The following METTL22 variants were observed in gnomAD, a reference collection of about 807,000 sequenced individuals.
The protein encoded by METTL22 is methyltransferase-like protein 22.
Under a neutral mutation model 48.4 loss-of-function variants are expected in METTL22, and 51 were observed. The observed-to-expected ratio is 1.05, with a 90% confidence interval of 0.84 to 1.33. The LOEUF (loss-of-function observed/expected upper bound fraction) is 1.33. METTL22 is among the 40% of genes most tolerant of loss of function. The probability of loss-of-function intolerance (pLI) is 0.00; values close to 1 mark genes in which losing one functional copy is unlikely to be tolerated. For missense variants in METTL22, 678 were observed against 526.9 expected (o/e 1.29, Z -2.81); for synonymous variants, 255 against 214.1 (o/e 1.19, Z -1.67).
rs1295866423 is a variant in METTL22 at position 8,622,372 on chromosome 16, G to A, written c.-171+597G>A. 3.3e-5 allele frequency among the ~76,000 whole-genome samples: 5 copies of A among 152,218 alleles called. No individual in the cohort carries two copies. In the East Asian group the frequency reaches 9.6e-4, roughly 29 times the overall value. On this transcript the variant is annotated intron_variant, in intron 1 of 10. Transcript: ENST00000381920. ...GACTGGGGACCTATAGGAGAAGAAA[G>A]CTGGTAGCGTCTCAGTCTAGCCCCC...
chr16:8,666,965 T>C, the METTL22 span: 1 of 151,980 alleles, frequency 6.6e-6, no homozygotes, highest in Non-Finnish European at 1.5e-5. Flanking sequence ...TTTTTTGTTT[T>C]TTGTATTTTT....
intron 5 of METTL22, among the ~76,000 whole-genome samples, chr16:8,636,131 C>G (rs1356240180): frequency 1.3e-5 from 2 of 152,140 alleles, no homozygotes; most frequent in Non-Finnish European, 2.9e-5. Context: ...GTGTCACCTT[C>G]TGGAATCCCC....
rs1335310318 is a variant in METTL22, at chr16:8,647,707, C to T, written c.*1564C>T. On this transcript the variant is annotated 3_prime_UTR_variant, in exon 11 of 11. Coordinates refer to ENST00000381920, the MANE Select transcript of METTL22 (RefSeq NM_024109.4). ...AGCCAAGTACTTTAGAGAAGAAAAA[C>T]GGTCTCAGCTGAACCTGTAGTGAGA... 2.6e-5 allele frequency: 4 copies of T among 152,356 alleles called. No individual in the cohort carries two copies. Among genetic ancestry groups the T allele is most frequent in the Admixed American group, 1.3e-4 (2 of 15,304 alleles). The allele number at this position is 152,356 out of a possible 1,614,324, so 9.4% of individuals were successfully genotyped here.
intron 3 of METTL22, among the ~76,000 whole-genome samples, chr16:8,633,736 G>A (rs777254651): frequency 2.0e-5 from 3 of 152,232 alleles, no homozygotes; most frequent in Non-Finnish European, 4.4e-5. Flanking sequence ...ACTCGAAGCT[G>A]TCATTGGGTG....
At position 8,629,103 on chromosome 16, in the gene METTL22, C is replaced by G. The variant is rs755591588; in HGVS notation, c.507C>G (p.Ile169Met). ...EEAQGSPHDI[I>M]RIEHTMATPL... is the part of the protein sequence containing the mutation. ...CACAAGGCAGCCCGCACGATATCAT[C>G]AGAATAGGTAAATAGAGGTGTGATG... The change falls in exon 3 of 11, where the codon ATC becomes ATG. Residue 169 changes from isoleucine (I) to methionine (M), a missense_variant. By Grantham distance (10) the Ile-to-Met change is conservative. Transcript: ENST00000381920. The G allele has an allele frequency of 1.6e-5, 25 of 1,612,386 alleles. No individual in the cohort carries two copies. In the South Asian group the frequency reaches 2.4e-4, roughly 16 times the overall value.
At chr16:8,666,101 C>A in the METTL22 span, among the ~76,000 whole-genome samples, 1 of 152,176 alleles carries the variant, frequency 6.6e-6, no homozygotes, top group Non-Finnish European at 1.5e-5. Flanking sequence ...CTGAGACTCA[C>A]CCTGAGGGTG....
In METTL22 at chr16:8,628,886, G is replaced by C. The variant is rs2056154788; in HGVS notation, c.290G>C (p.Gly97Ala). Residue 97 changes from glycine (G) to alanine (A), a missense_variant, in exon 3 of 11, where the codon GGT becomes GCT. By Grantham distance (60) the Gly-to-Ala change is moderately conservative. Coordinates refer to ENST00000381920, the MANE Select transcript of METTL22 (RefSeq NM_024109.4). Reference protein sequence around the residue: ...SPPGSGHGNEGFSLQAGTDTT... With the variant: ...SPPGSGHGNEAFSLQAGTDTT... Reference sequence around the variant, plus strand: ...CCAGGAAGTGGCCATGGTAATGAGGGTTTCTCCCTCCAGGCCGGGACTGAC... The same window carrying C: ...CCAGGAAGTGGCCATGGTAATGAGGCTTTCTCCCTCCAGGCCGGGACTGAC... 1 of 1,614,040 alleles carries C rather than the reference G, an allele frequency of 6.2e-7. No homozygotes were observed. Among genetic ancestry groups the C allele is most frequent in the Non-Finnish European group, 8.5e-7 (1 of 1,180,000 alleles).
At chr16:8,652,259 G>C (rs956452049), downstream of METTL22, among the ~76,000 whole-genome samples, 19 of 150,482 alleles carry the variant, frequency 1.3e-4, no homozygotes, top group African/African-American at 4.2e-4. Context: ...AGGAGTTCAA[G>C]ACCAGCCTGG....
intron 4 of METTL22, 41 bp downstream of exon 4, chr16:8,635,120 C>A (rs2056382284): frequency 1.9e-6 from 3 of 1,613,800 alleles, no homozygotes; most frequent in Non-Finnish European, 2.5e-6. Flanking sequence ...CTGATGGGTC[C>A]CTGCAGAGCC....
downstream of METTL22, among the ~76,000 whole-genome samples, chr16:8,653,027 C>T (rs1003070849): frequency 3.9e-5 from 6 of 152,180 alleles, no homozygotes; most frequent in African/African-American, 1.4e-4. Context: ...AGTTCAAACC[C>T]ACTTCTGCTG....
At chr16:8,641,211 A>G (rs774856673) in intron 7 of METTL22, 27 bp downstream of exon 7, 2 of 1,611,456 alleles carry the variant, frequency 1.2e-6, no homozygotes, top group Non-Finnish European at 1.7e-6. Context: ...GACGTCCCCC[A>G]GTATGATTCA....
At chr16:8,655,082 G>A in the METTL22 span, among the ~76,000 whole-genome samples, 2 of 152,114 alleles carry the variant, frequency 1.3e-5, no homozygotes, top group African/African-American at 4.8e-5. Context: ...GGGGCATTGG[G>A]GAAAGGAACT....
At chr16:8,639,307 C>A in intron 6 of METTL22, 145 bp downstream of exon 6, 2 of 724,548 alleles carry the variant, frequency 2.8e-6, no homozygotes, top group Non-Finnish European at 4.8e-6. Flanking sequence ...GTCGTCTGGG[C>A]ATCACAGAGC....
At chr16:8,665,483 C>T in the METTL22 span, among the ~76,000 whole-genome samples, 3 of 152,238 alleles carry the variant, frequency 2.0e-5, no homozygotes, top group Admixed American at 6.5e-5. Context: ...GGAGACTGAG[C>T]GTTTGCATAC....
At chr16:8,642,047 G>A in intron 7 of METTL22, 80 bp from the exon 8 acceptor site, 2 of 1,090,500 alleles carry the variant, frequency 1.8e-6, no homozygotes, top group East Asian at 2.4e-5. Context: ...CTCTTGAAGT[G>A]CCTTTTGGTC....
At chr16:8,623,589 C>T (rs1007567369) in intron 1 of METTL22, 15 of 152,220 alleles carry the variant, frequency 9.9e-5, no homozygotes, top group Non-Finnish European at 2.9e-5. Flanking sequence ...TCCAGCATTT[C>T]TCCATCACTT....
the METTL22 span, among the ~76,000 whole-genome samples, chr16:8,662,975 A>G: frequency 8.2e-4 from 117 of 142,606 alleles, 16 homozygotes; most frequent in South Asian, 0.021. Context: ...TGGGAGGCTG[A>G]AGCGGGTGGA....
chr16:8,642,546 A>T lies in METTL22; in HGVS notation c.991A>T (p.Ile331Leu). The T allele has an allele frequency of 3.1e-6, 5 of 1,614,216 alleles. No homozygotes were observed. The highest frequency in any genetic ancestry group is 4.2e-6 in the Non-Finnish European group (5 of 1,180,044). ...AHRLKNACTA[I>L]LSVEKRLNFT... The stretch of plus-strand genomic sequence containing the variant: ...CAGATTGAAAAATGCCTGCACAGCC[A>T]TACTGTCGGTGGAGAAGAGGTGAGC... The change falls in exon 9 of 11, where the codon ATA (isoleucine) becomes TTA (leucine). Residue 331 changes from isoleucine (I) to leucine (L), a missense_variant. Transcript: ENST00000381920.
downstream of METTL22, among the ~76,000 whole-genome samples, chr16:8,653,436 C>G (rs9923185): frequency 3.6e-3 from 546 of 152,246 alleles, 1 homozygote; most frequent in African/African-American, 0.012. Context: ...CTTGTCAGGC[C>G]TATCTGGCAT....
Sources: allele counts gnomAD v4.1 joint callset (sites outside exome capture counted in the v4.1 genomes callset), GRCh38; gene constraint gnomAD v4.1.1; transcripts MANE v1.5; gene names NCBI Gene and HGNC (gene_info 2026-07-23, HGNC 2026-07-21).